Variants in RADIL observed in about 807,000 individuals in gnomAD.
RADIL encodes the protein ras-associating and dilute domain-containing protein.
A neutral mutation model predicts 97.6 loss-of-function variants in RADIL; 99 were observed. That is an observed-to-expected ratio of 1.01 (90% CI 0.86 to 1.20). The LOEUF is 1.20. RADIL is among the 50% of genes most tolerant of loss of function. RADIL has a pLI of 0.00. For synonymous variants in RADIL, 803 were observed against 691.8 expected, an observed-to-expected ratio of 1.16 and a Z score of -2.52; for missense variants, 1,765 against 1,498.9, an observed-to-expected ratio of 1.18 and a Z score of -2.93.
Position 4,818,078 on chromosome 7 carries a change from T to C in RADIL, c.1616-727A>G, listed in dbSNP as rs1463050078. Among the ~76,000 whole-genome samples the C allele has an allele frequency of 1.8e-4, 27 of 152,216 alleles. 1 individual carries two copies. Among genetic ancestry groups the C allele is most frequent in the Admixed American group, 1.8e-3 (27 of 15,290 alleles). On this transcript the variant is annotated intron_variant, in intron 6 of 14. Coordinates refer to ENST00000399583, the MANE Select transcript of RADIL (RefSeq NM_018059.5). The surrounding 1 kb of genome is among the most constrained non-coding windows in gnomAD (Gnocchi z 7.1). The stretch of plus-strand genomic sequence containing the variant: ...GGGCGCCTTCATTCTCTCCTGGGAC[T>C]GTGGGCGGCCAACCACAGTGGTGTT...
chr7:4,827,592 C>T lies in RADIL; in HGVS notation c.1454+4549G>A, dbSNP rs773071403. Among the ~76,000 whole-genome samples, 139 of 152,196 alleles carry T rather than the reference C, an allele frequency of 9.1e-4. 2 individuals carry two copies. The highest frequency in any genetic ancestry group is 4.0e-4 in the Non-Finnish European group (27 of 68,006). On this transcript the variant is annotated intron_variant, in intron 5 of 14. Coordinates refer to ENST00000399583, the MANE Select transcript of RADIL (RefSeq NM_018059.5). ...AGGAGAATGGCGTGAACCCAGGAGG[C>T]GGAGGTTGCAGTGAGCCGAGATCGT...
intron 2 of RADIL, among the ~76,000 whole-genome samples, chr7:4,865,278 T>C (rs538994399): frequency 2.6e-4 from 39 of 152,340 alleles, no homozygotes; most frequent in Non-Finnish European, 4.1e-4. Flanking sequence ...ATGTACATTA[T>C]GACATTTTGG....
intron 10 of RADIL, chr7:4,805,172 CAT>C (rs560891091): frequency 1.3e-4 from 29 of 219,240 alleles, no homozygotes; most frequent in Middle Eastern, 1.5e-3. Flanking sequence ...TCCGTATGGA[CAT>C]GTGTGTGTGC....
rs952140335 is a variant in RADIL at position 4,867,179 on chromosome 7, C to T, written c.535+10426G>A. Among the ~76,000 whole-genome samples the T allele has an allele frequency of 3.9e-5, 6 of 152,040 alleles. No individual in the cohort carries two copies. The highest frequency in any genetic ancestry group is 2.9e-5 in the Non-Finnish European group (2 of 68,016). ...CAACAAGAAATGGACTAAAGCAGAG[C>T]CTAAAGGTGTTGAGGGGCACACAGG... On this transcript the variant is annotated intron_variant, in intron 2 of 14. Transcript: ENST00000399583. This position sits in a 1 kb window ranked among gnomAD's most constrained non-coding sequence, Gnocchi z 4.1.
Position 4,810,858 on chromosome 7 carries a change from G to A in RADIL, c.2139+4420C>T, listed in dbSNP as rs144643771. Reference sequence around the variant, plus strand: ...GTGTTTAAAACGCTGAGATTAGGCCGGGCGTGGTGGCTCACACCTGTAATC... The same window carrying A: ...GTGTTTAAAACGCTGAGATTAGGCCAGGCGTGGTGGCTCACACCTGTAATC... On this transcript the variant is annotated intron_variant, in intron 9 of 14. Coordinates refer to ENST00000399583, the MANE Select transcript of RADIL (RefSeq NM_018059.5). Among the ~76,000 whole-genome samples, 555 of 152,304 alleles carry A rather than the reference G, an allele frequency of 3.6e-3. 3 individuals carry two copies. The highest frequency in any genetic ancestry group is 5.5e-3 in the Non-Finnish European group (373 of 68,034).
At chr7:4,805,297 C>T (rs1383331640) in intron 10 of RADIL, 4 of 412,074 alleles carry the variant, frequency 9.7e-6, no homozygotes, top group Non-Finnish European at 1.7e-5. Context: ...CGTGAGGGAA[C>T]GAGGGGGCCT....
rs1783775632 is a variant in RADIL at position 4,854,261 on chromosome 7, G to T, written c.536-17656C>A. ...GCCCCGAACTTACTGTTAGGTGAAA[G>T]AAAGCTGTATTGTGCCCAAGCTACT... On this transcript the variant is annotated intron_variant, in intron 2 of 14. Coordinates refer to ENST00000399583, the MANE Select transcript of RADIL (RefSeq NM_018059.5). The surrounding 1 kb of genome is among the most constrained non-coding windows in gnomAD (Gnocchi z 5.1). Among the ~76,000 whole-genome samples, 1 of 152,212 alleles carries T rather than the reference G, an allele frequency of 6.6e-6. No individual in the cohort carries two copies. Among genetic ancestry groups the T allele is most frequent in the South Asian group, 2.1e-4 (1 of 4,830 alleles).
At chr7:4,809,310 G>A (rs1006527537) in intron 9 of RADIL, 1 of 985,362 alleles carries the variant, frequency 1.0e-6, no homozygotes, top group South Asian at 4.7e-5. Context: ...CCTCGGCTCG[G>A]CCTAGTTTCC....
At position 4,824,660 on chromosome 7, in the gene RADIL, T is replaced by C. The variant is rs1053185869; in HGVS notation, c.1455-2106A>G. ...GAAGAAACTGGACTGAGACCATCTCTCCTGTTTTTGGCGGCTAAGCAGGTC... is the reference window on the plus strand; with the variant it reads ...GAAGAAACTGGACTGAGACCATCTCCCCTGTTTTTGGCGGCTAAGCAGGTC... On this transcript the variant is annotated intron_variant, in intron 5 of 14. Coordinates refer to ENST00000399583, the MANE Select transcript of RADIL (RefSeq NM_018059.5). This position sits in a 1 kb window ranked among gnomAD's most constrained non-coding sequence, Gnocchi z 6.7. Among the ~76,000 whole-genome samples, 3 of 152,210 alleles carry C rather than the reference T, an allele frequency of 2.0e-5. No homozygotes were observed. Among genetic ancestry groups the C allele is most frequent in the Non-Finnish European group, 4.4e-5 (3 of 68,044 alleles).
intron 4 of RADIL, among the ~76,000 whole-genome samples, chr7:4,832,662 C>T (rs1783178513): frequency 6.7e-6 from 1 of 149,072 alleles, no homozygotes; most frequent in Non-Finnish European, 1.5e-5. Context: ...TCCCTTGAAC[C>T]TGGGAGGCAG....
intron 9 of RADIL, among the ~76,000 whole-genome samples, chr7:4,810,625 G>A (rs905618874): frequency 1.3e-5 from 2 of 152,238 alleles, no homozygotes; most frequent in Non-Finnish European, 2.9e-5. Context: ...TAAGCGGGCC[G>A]TGGCGAGGGA....
Position 4,813,268 on chromosome 7 carries a change from A to T in RADIL, c.2139+2010T>A, listed in dbSNP as rs540177369. ...AGCTGGCACTACAGGCGTTTGCCCC[A>T]TGCCTGCCTCTCACCCCAGTGTTTC... On this transcript the variant is annotated intron_variant, in intron 9 of 14. Transcript: ENST00000399583. This position sits in a 1 kb window ranked among gnomAD's most constrained non-coding sequence, Gnocchi z 5.0. Among the ~76,000 whole-genome samples, 6 of 152,142 alleles carry T rather than the reference A, an allele frequency of 3.9e-5. No homozygotes were observed. The highest frequency in any genetic ancestry group is 1.4e-4 in the African/African-American group (6 of 41,488).
At position 4,872,357 on chromosome 7, in the gene RADIL, C is replaced by T. The variant is rs572073735; in HGVS notation, c.535+5248G>A. ...AAAGATGCCCCAACCTAAAATGTAA[C>T]GGGAGGAAGGGAGAAAGCAAGGAAG... On this transcript the variant is annotated intron_variant, in intron 2 of 14. Coordinates refer to ENST00000399583, the MANE Select transcript of RADIL (RefSeq NM_018059.5). The surrounding 1 kb of genome is among the most constrained non-coding windows in gnomAD (Gnocchi z 5.8). Among the ~76,000 whole-genome samples the T allele has an allele frequency of 9.2e-5, 14 of 152,334 alleles. No homozygotes were observed. Among genetic ancestry groups the T allele is most frequent in the Middle Eastern group, 6.8e-3 (2 of 294 alleles).
At chr7:4,828,799 A>C (rs1423801629) in intron 5 of RADIL, among the ~76,000 whole-genome samples, 2 of 152,214 alleles carry the variant, frequency 1.3e-5, no homozygotes, top group African/African-American at 4.8e-5. Context: ...TTAGGTCCTA[A>C]CGATGACGGT....
At position 4,797,922 on chromosome 7, in the gene RADIL, TGA is replaced by T. The variant is rs1781965321; in HGVS notation, c.*1454_*1455del. The T allele has an allele frequency of 6.6e-6, 1 of 151,882 alleles. No individual in the cohort carries two copies. Among genetic ancestry groups the T allele is most frequent in the East Asian group, 1.9e-4 (1 of 5,152 alleles). The allele number at this position is 151,882 out of a possible 1,614,324, so 9.4% of individuals were successfully genotyped here. ...CTGGGAGGTGGAGGTTGCAGTGAGC[TGA>T]GATTGCACCACTGCACTCCAGCCTG... On this transcript the variant is annotated 3_prime_UTR_variant, in exon 15 of 15. Transcript: ENST00000399583.
Position 4,799,689 on chromosome 7 carries a change from C to A in RADIL, c.3063G>T (p.Ser1021=). The change falls in exon 14 of 15, where the codon TCG becomes TCT. Residue 1021 remains serine, a synonymous_variant. Coordinates refer to ENST00000399583, the MANE Select transcript of RADIL (RefSeq NM_018059.5). ...GSPAAADGRL[S]LGDRILEVNG... ...TCACCTCCAGGATACGGTCCCCCAG[C>A]GACAGGCGCCCGTCGGCCGCTGCGG... 6.3e-7 allele frequency: 1 copy of A among 1,584,700 alleles called. No individual in the cohort carries two copies. Among genetic ancestry groups the A allele is most frequent in the South Asian group, 1.1e-5 (1 of 87,512 alleles).
rs1464772715 is a variant in RADIL at position 4,878,664 on chromosome 7, G to A, written c.-64-461C>T. ...AGAGACCGAGAGGACTAAACGGGCTGGAGCGCCCTTCAAGGAAAGCCATTA... is the reference window on the plus strand; with the variant it reads ...AGAGACCGAGAGGACTAAACGGGCTAGAGCGCCCTTCAAGGAAAGCCATTA... On this transcript the variant is annotated intron_variant, in intron 1 of 14. Coordinates refer to ENST00000399583, the MANE Select transcript of RADIL (RefSeq NM_018059.5). This position sits in a 1 kb window ranked among gnomAD's most constrained non-coding sequence, Gnocchi z 4.1. Among the ~76,000 whole-genome samples, 1 of 152,254 alleles carries A rather than the reference G, an allele frequency of 6.6e-6. No individual in the cohort carries two copies. Among genetic ancestry groups the A allele is most frequent in the South Asian group, 2.1e-4 (1 of 4,832 alleles).
chr7:4,826,832 G>T (rs1782996441), intron 5 of RADIL, among the ~76,000 whole-genome samples: 1 of 151,810 alleles, frequency 6.6e-6, no homozygotes, highest in South Asian at 2.1e-4. Context: ...GTAAAAATGT[G>T]GCCAAAGACA....
chr7:4,807,970 C>T (rs1782389242), intron 9 of RADIL, among the ~76,000 whole-genome samples: 2 of 66,578 alleles, frequency 3.0e-5, no homozygotes, highest in Admixed American at 1.3e-4. Flanking sequence ...TCTCTCCTCT[C>T]CCTCCTCCCT....
Sources: allele counts gnomAD v4.1 joint callset (sites outside exome capture counted in the v4.1 genomes callset), GRCh38; gene constraint gnomAD v4.1.1; non-coding constraint Gnocchi (gnomAD v3.1); transcripts MANE v1.5; gene names NCBI Gene and HGNC (gene_info 2026-07-23, HGNC 2026-07-21).